EIF2S3: variants seen among roughly 807,000 people sequenced by gnomAD.
The protein encoded by EIF2S3 is eukaryotic translation initiation factor 2 subunit gamma.
A neutral mutation model predicts 31.7 loss-of-function variants in EIF2S3; 2 were observed. The observed-to-expected ratio is 0.06, with a 90% confidence interval of 0.03 to 0.20. EIF2S3 has a LOEUF of 0.20. Ranked by LOEUF, EIF2S3 falls within the 10% of genes least tolerant of loss-of-function variation. EIF2S3 has a pLI of 1.00. For synonymous variants in EIF2S3, 120 were observed against 126.7 expected, an observed-to-expected ratio of 0.95 and a Z score of 0.36; for missense variants, 96 against 359.3, an observed-to-expected ratio of 0.27 and a Z score of 5.92.
rs1930765494 is a variant in EIF2S3 at position 24,077,006 on chromosome X, T to C, written c.*221T>C. On this transcript the variant is annotated 3_prime_UTR_variant, in exon 12 of 12. Coordinates refer to ENST00000253039, the MANE Select transcript of EIF2S3 (RefSeq NM_001415.4). Reference sequence around the variant, plus strand: ...AAAATTGGCATAATGTTGGATTGAATCTACATTTTGGCAGAAGTTAAACAT... The same window carrying C: ...AAAATTGGCATAATGTTGGATTGAACCTACATTTTGGCAGAAGTTAAACAT... 1 of 300,100 alleles carries C rather than the reference T, an allele frequency of 3.3e-6. No homozygotes were observed. Among genetic ancestry groups the C allele is most frequent in the African/African-American group, 3.0e-5 (1 of 33,585 alleles). 24.7% of individuals were successfully genotyped at this position (300,100 alleles called of 1,213,427 possible).
At position 24,057,408 on chromosome X, in the gene EIF2S3, A is replaced by G. The variant is rs755625866; in HGVS notation, c.134-13A>G. On this transcript the variant is annotated splice_polypyrimidine_tract_variant and intron_variant, in intron 2 of 11. Transcript: ENST00000253039. ...AAATACACATGAATTAATTTTTTGA[A>G]CTTTGTCCATAGGTACAATTGGTCA... 2.9e-5 allele frequency: 34 copies of G among 1,183,101 alleles called. No homozygotes were observed. Among genetic ancestry groups the G allele is most frequent in the Non-Finnish European group, 3.8e-5 (34 of 886,035 alleles).
chrX:24,071,422 C>T (rs924370128), intron 9 of EIF2S3, 136 bp from the exon 10 acceptor site: 6 of 584,577 alleles, frequency 1.0e-5, no homozygotes, highest in African/African-American at 2.3e-5. Flanking sequence ...AACTCCTGAG[C>T]TCAGGCATCC....
intron 5 of EIF2S3, chrX:24,060,541 T>G (rs1930474140): frequency 5.0e-6 from 1 of 201,969 alleles, no homozygotes; most frequent in African/African-American, 2.9e-5. Flanking sequence ...CTGTCTACTG[T>G]GGAAGTATTT....
chrX:24,054,972 G>T lies in EIF2S3; in HGVS notation c.4G>T (p.Ala2Ser). M[A>S]GGEAGVTLGQ... Reference sequence around the variant, plus strand: ...ATTTCCTTCCTCTTTTGGCAACATGGCGGGCGGAGAAGCTGGAGTGACTCT... The same window carrying T: ...ATTTCCTTCCTCTTTTGGCAACATGTCGGGCGGAGAAGCTGGAGTGACTCT... Residue 2 changes from alanine (A) to serine (S), a missense_variant, in exon 1 of 12, where the codon GCG (alanine) becomes TCG (serine). Ala to Ser is a moderately conservative substitution (Grantham distance 99). Coordinates refer to ENST00000253039, the MANE Select transcript of EIF2S3 (RefSeq NM_001415.4). The T allele has an allele frequency of 8.3e-7, 1 of 1,210,466 alleles. No homozygotes were observed. The highest frequency in any genetic ancestry group is 1.8e-5 in the South Asian group (1 of 56,956).
At chrX:24,062,852 G>A (rs1930513616) in intron 6 of EIF2S3, among the ~76,000 whole-genome samples, 1 of 111,608 alleles carries the variant, frequency 9.0e-6, no homozygotes, top group Non-Finnish European at 1.9e-5. Flanking sequence ...AAAAATCTCA[G>A]TGACAGTAAA....
chrX:24,071,857 TC>T, intron 10 of EIF2S3, 130 bp downstream of exon 10: 1 of 710,735 alleles, frequency 1.4e-6, no homozygotes, highest in Non-Finnish European at 2.0e-6. Flanking sequence ...AAATTTGACC[TC>T]CCCAAAATTG....
chrX:24,064,007 A>G, intron 6 of EIF2S3, among the ~76,000 whole-genome samples, 194 bp from the exon 7 acceptor site: 2 of 111,984 alleles, frequency 1.8e-5, no homozygotes, highest in East Asian at 2.8e-4. Context: ...ATTTGTATTC[A>G]TTTTCAGGAG....
intron 4 of EIF2S3, among the ~76,000 whole-genome samples, chrX:24,059,020 C>T (rs985603357): frequency 4.5e-5 from 5 of 112,229 alleles, no homozygotes; most frequent in South Asian, 7.2e-4. Context: ...CCTCCATGCC[C>T]GGCCATTTTC....
intron 9 of EIF2S3, among the ~76,000 whole-genome samples, chrX:24,070,094 G>A (rs959327135): frequency 3.7e-5 from 4 of 109,107 alleles, no homozygotes; most frequent in Non-Finnish European, 7.6e-5. Context: ...TTGGCTGGGC[G>A]TGGTGGCTCA....
At chrX:24,063,877 T>C (rs1267350865) in intron 6 of EIF2S3, among the ~76,000 whole-genome samples, 1 of 112,157 alleles carries the variant, frequency 8.9e-6, no homozygotes, top group African/African-American at 3.2e-5. Flanking sequence ...AGAAATTTTT[T>C]CAACTAGTAG....
intron 11 of EIF2S3, among the ~76,000 whole-genome samples, chrX:24,074,862 C>CTTCTTTTTTT (rs1555984976): frequency 5.9e-4 from 28 of 47,463 alleles, no homozygotes; most frequent in African/African-American, 2.4e-3. Context: ...TTTTCTTCTT[C>CTTCTTTTTTT]TTTTTTTTTT....
intron 10 of EIF2S3, among the ~76,000 whole-genome samples, chrX:24,072,632 T>C (rs1930689553): frequency 9.0e-6 from 1 of 111,623 alleles, no homozygotes; most frequent in Non-Finnish European, 1.9e-5. Context: ...AGATGGGAAA[T>C]TGCTGACACC....
chrX:24,058,315 A>G (rs911261156), intron 4 of EIF2S3, among the ~76,000 whole-genome samples: 3 of 111,636 alleles, frequency 2.7e-5, no homozygotes, highest in African/African-American at 9.8e-5. Flanking sequence ...CAGGTATGCC[A>G]GAAAACTCAG....
At chrX:24,073,470 A>G (rs750293860) in intron 11 of EIF2S3, 391 of 363,854 alleles carry the variant, frequency 1.1e-3, no homozygotes, top group Middle Eastern at 1.7e-3. Flanking sequence ...AGGCGGGTGG[A>G]TCATGAGGTC....
Position 24,072,300 on chromosome X carries a change from T to C in EIF2S3, c.1182+573T>C, listed in dbSNP as rs763452699. The stretch of plus-strand genomic sequence containing the variant: ...TCCATATTTTTGTTTTGTTGTTTAT[T>C]TTGAGACAGAGTCTTGCTCTGTTGC... On this transcript the variant is annotated intron_variant, in intron 10 of 11. Coordinates refer to ENST00000253039, the MANE Select transcript of EIF2S3 (RefSeq NM_001415.4). Among the ~76,000 whole-genome samples, 21 of 105,730 alleles carry C rather than the reference T, an allele frequency of 2.0e-4. No homozygotes were observed. The South Asian group carries it at 6.1e-3, about 31-fold the overall frequency. The allele number at this position is 105,730 out of a possible 115,157, so 91.8% of individuals were successfully genotyped here. A position where few individuals can be genotyped will look rare whatever the true frequency, so the allele number is the denominator to read the frequency against.
intron 10 of EIF2S3, 103 bp from the exon 11 acceptor site, chrX:24,072,988 T>A (rs932180640): frequency 7.6e-6 from 7 of 919,425 alleles, no homozygotes; most frequent in Non-Finnish European, 1.0e-5. Flanking sequence ...GAATTTTTTT[T>A]ATGATTGACA....
chrX:24,075,025 C>T (rs927721765), intron 11 of EIF2S3, among the ~76,000 whole-genome samples: 4 of 108,280 alleles, frequency 3.7e-5, no homozygotes, highest in Non-Finnish European at 3.8e-5. Flanking sequence ...CCACCACACC[C>T]GGCTAATTTT....
chrX:24,057,309 G>C, intron 2 of EIF2S3, 112 bp from the exon 3 acceptor site: 3 of 965,018 alleles, frequency 3.1e-6, no homozygotes, highest in South Asian at 5.1e-5. Flanking sequence ...GATTACTGGC[G>C]TGAGCCACCG....
intron 4 of EIF2S3, among the ~76,000 whole-genome samples, chrX:24,059,107 C>G (rs1930451912): frequency 8.9e-6 from 1 of 112,276 alleles, no homozygotes; most frequent in South Asian, 3.6e-4. Context: ...AATAGGGGAT[C>G]AGCAAACTTT....
Sources: gnomAD v4.1 joint callset for allele counts (sites outside exome capture counted in the v4.1 genomes callset) on GRCh38, gnomAD v4.1.1 for gene constraint, MANE v1.5 for transcripts, NCBI Gene and HGNC (gene_info 2026-07-23, HGNC 2026-07-21) for gene names.